LRP2: variants seen among roughly 807,000 people sequenced by gnomAD.
The protein encoded by LRP2 is LDL receptor related protein 2.
Under a neutral mutation model 531.0 loss-of-function variants are expected in LRP2, and 172 were observed. The observed-to-expected ratio is 0.32, with a 90% CI of 0.29 to 0.37. The LOEUF (loss-of-function observed/expected upper bound fraction) is 0.37. Among genes scored for constraint, LRP2 ranks in the 10% least tolerant of loss-of-function variants. LRP2 has a pLI of 1.00. For missense variants in LRP2, 5,167 were observed against 5,868.3 expected (o/e 0.88, Z 3.90); for synonymous variants, 1,992 against 2,027.6 (o/e 0.98, Z 0.47).
Position 169,169,689 on chromosome 2 carries a change from T to C in LRP2, c.11497+13A>G. On this transcript the variant is annotated intron_variant, in intron 60 of 78. Transcript: ENST00000649046. ...TCAGGTAAGCAGTACTACATATGTGTCTAGGGACTTACGACAATCAGCTTC... is the reference window on the plus strand; with the variant it reads ...TCAGGTAAGCAGTACTACATATGTGCCTAGGGACTTACGACAATCAGCTTC... 1 of 1,606,486 alleles carries C rather than the reference T, an allele frequency of 6.2e-7. No individual in the cohort carries two copies. The highest frequency in any genetic ancestry group is 8.5e-7 in the Non-Finnish European group (1 of 1,173,058).
rs1351763103 is a variant in LRP2 at position 169,289,111 on chromosome 2, G to A, written c.957C>T (p.Tyr319=). 4 of 1,614,096 alleles carry A rather than the reference G, an allele frequency of 2.5e-6. 1 individual carries two copies. The highest frequency in any genetic ancestry group is 2.2e-5 in the East Asian group (1 of 44,878). ...CTCCATACGGCGTCTCATGGCACTGGTACTGGCAGTTCAAGGCAGAGCACA... is the reference window on the plus strand; with the variant it reads ...CTCCATACGGCGTCTCATGGCACTGATACTGGCAGTTCAAGGCAGAGCACA... ...MTLCSALNCQ[Y]QCHETPYGGA... Residue 319 remains tyrosine (Y), a synonymous_variant, in exon 9 of 79, where the codon TAC becomes TAT. Coordinates refer to ENST00000649046, the MANE Select transcript of LRP2 (RefSeq NM_004525.3).
At chr2:169,155,161 T>C (rs1193366918) in intron 65 of LRP2, among the ~76,000 whole-genome samples, 1 of 152,202 alleles carries the variant, frequency 6.6e-6, no homozygotes, top group Admixed American at 6.6e-5. Context: ...AGCTACTTAA[T>C]GGTGACTCAT....
At chr2:169,261,405 A>T (rs950015415) in intron 16 of LRP2, among the ~76,000 whole-genome samples, 3 of 151,926 alleles carry the variant, frequency 2.0e-5, no homozygotes, top group African/African-American at 7.2e-5. Flanking sequence ...AGCCCACTGC[A>T]GCCTCAAACA....
rs1179718990 is a variant in LRP2, at chr2:169,235,991, G to A, written c.4769C>T (p.Thr1590Ile). 3.7e-6 allele frequency: 6 copies of A among 1,614,126 alleles called. No homozygotes were observed. Among genetic ancestry groups the A allele is most frequent in the Non-Finnish European group, 5.1e-6 (6 of 1,180,054 alleles). Reference sequence around the variant, plus strand: ...GAAGATCTTGTCCTGGACAATGACAGTGCGCATGCTGCCGTCCATGCTGGC... The same window carrying A: ...GAAGATCTTGTCCTGGACAATGACAATGCGCATGCTGCCGTCCATGCTGGC... ...ERASMDGSMR[T>I]VIVQDKIFWP... The change falls in exon 29 of 79, where the codon ACT becomes ATT. Residue 1590 changes from threonine to isoleucine, a missense_variant. Physicochemically the swap from Thr to Ile is moderately conservative, Grantham distance 89. Coordinates refer to ENST00000649046, the MANE Select transcript of LRP2 (RefSeq NM_004525.3).
At chr2:169,175,146 A>G (rs372715576) in intron 55 of LRP2, 47 bp downstream of exon 55, 1 of 1,558,880 alleles carries the variant, frequency 6.4e-7, no homozygotes, top group Non-Finnish European at 8.8e-7. Flanking sequence ...GATCGTATAC[A>G]ATCAACATAG....
At chr2:169,336,784 G>C (rs529537632) in intron 1 of LRP2, among the ~76,000 whole-genome samples, 100 of 152,220 alleles carry the variant, frequency 6.6e-4, no homozygotes, top group South Asian at 2.1e-3. Context: ...AAGCCCTCTT[G>C]TCCACAACCG....
In LRP2 at chr2:169,128,854, T is replaced by A. The variant is rs201038625; in HGVS notation, c.13801-24A>T. ...ATCTAAGAATACAATGTAACAGGAA[T>A]CAGCCATTTATTCCCCCAAGGTCAC... On this transcript the variant is annotated intron_variant, in intron 78 of 78. Transcript: ENST00000649046. The A allele has an allele frequency of 2.0e-4, 327 of 1,613,742 alleles. No individual in the cohort carries two copies. The African/African-American group carries it at 3.9e-3, about 19-fold the overall frequency.
At chr2:169,162,436 T>C (rs1028724882) in intron 63 of LRP2, 36 bp downstream of exon 63, 2 of 1,612,224 alleles carry the variant, frequency 1.2e-6, no homozygotes, top group African/African-American at 2.7e-5. Context: ...AAACCTGAGT[T>C]ACTACAATGA....
At chr2:169,280,285 A>G in intron 11 of LRP2, 65 bp downstream of exon 11, 7 of 1,583,336 alleles carry the variant, frequency 4.4e-6, no homozygotes, top group Non-Finnish European at 6.1e-6. Context: ...TACTCCCTCT[A>G]AAAGTGAAAA....
In LRP2 at chr2:169,279,574, C is replaced by T. The variant is rs1181566523; in HGVS notation, c.1363G>A (p.Gly455Ser). Reference protein sequence around the residue: ...QNKVFSVDINGLNIQEVLNVS... With the variant: ...QNKVFSVDINSLNIQEVLNVS... ...TTGAGAACCTCTTGGATATTTAAAC[C>T]ATTAATGTCAACTGAAAAAACCTGA... Residue 455 changes from glycine (G) to serine (S), a missense_variant, in exon 12 of 79, where the codon GGT (glycine) becomes AGT (serine). Around this residue, in one of 6 missense-constraint regions of LRP2, gnomAD observed 2,811 missense variants for 3,058.0 expected, o/e 0.92. Transcript: ENST00000649046. The T allele has an allele frequency of 6.2e-7, 1 of 1,612,526 alleles. No individual in the cohort carries two copies. The highest frequency in any genetic ancestry group is 1.1e-5 in the South Asian group (1 of 90,976).
At chr2:169,281,347 G>A (rs140071675) in intron 10 of LRP2, among the ~76,000 whole-genome samples, 74 of 152,294 alleles carry the variant, frequency 4.9e-4, no homozygotes, top group African/African-American at 1.7e-3. Flanking sequence ...GCTTGAACCC[G>A]AGAGGCGGAG....
rs754997883 is a variant in LRP2 at position 169,152,933 on chromosome 2, G to C, written c.12327C>G (p.Gly4109=). ...CACGTTTGATAGCACCAAACCTAGA[G>C]CCCTCCCCTCGCACAGTGTAATACA... ...SVVYYTVRGE[G]SRFGAIKRAY... The change falls in exon 67 of 79, where the codon GGC becomes GGG. Residue 4109 remains glycine, a synonymous_variant. Coordinates refer to ENST00000649046, the MANE Select transcript of LRP2 (RefSeq NM_004525.3). 4.3e-6 allele frequency: 7 copies of C among 1,613,854 alleles called. No individual in the cohort carries two copies. The highest frequency in any genetic ancestry group is 4.2e-6 in the Non-Finnish European group (5 of 1,179,936).
chr2:169,204,786 T>C (rs962925117), intron 41 of LRP2, among the ~76,000 whole-genome samples: 4 of 152,038 alleles, frequency 2.6e-5, no homozygotes, highest in African/African-American at 9.7e-5. Context: ...TCCAAAGAAA[T>C]ATGCAAGAAA....
rs143893803 is a variant in LRP2 at position 169,206,829 on chromosome 2, C to A, written c.6891G>T (p.Leu2297Phe). 12 of 1,614,136 alleles carry A rather than the reference C, an allele frequency of 7.4e-6. No homozygotes were observed. The highest frequency in any genetic ancestry group is 1.0e-5 in the Non-Finnish European group (12 of 1,180,012). Residue 2297 changes from leucine (L) to phenylalanine (F), a missense_variant, in exon 39 of 79, where the codon TTG becomes TTT. By Grantham distance (22) the Leu-to-Phe change is conservative. This residue lies in a region of LRP2 where 2,811 missense variants were observed against 3,058.0 expected (regional missense o/e 0.92). Coordinates refer to ENST00000649046, the MANE Select transcript of LRP2 (RefSeq NM_004525.3). ...CCTTGCTGGCTTGGAAGATCTTTTTCAAATTCCTATCTACCCATATGATAG... is the reference window on the plus strand; with the variant it reads ...CCTTGCTGGCTTGGAAGATCTTTTTAAAATTCCTATCTACCCATATGATAG... ...ENSIIWVDRN[L>F]KKIFQASKEP... is the part of the protein sequence containing the mutation.
Position 169,152,835 on chromosome 2 carries a change from A to G in LRP2, c.12425T>C (p.Met4142Thr). Residue 4142 changes from methionine (M) to threonine (T), a missense_variant, in exon 67 of 79, where the codon ATG (methionine) becomes ACG (threonine). By Grantham distance (81) the Met-to-Thr change is moderately conservative. This residue lies in a region of LRP2 where 564 missense variants were observed against 747.7 expected (regional missense o/e 0.75). Coordinates refer to ENST00000649046, the MANE Select transcript of LRP2 (RefSeq NM_004525.3). ...GTCCACTGCTATTCCATCTGGCTGC[A>G]TTACGTATTTCAGTTTCAGGTCAAC... ...QEVDLKLKYV[M>T]QPDGIAVDWV... 6.2e-7 allele frequency: 1 copy of G among 1,614,062 alleles called. No homozygotes were observed. The highest frequency in any genetic ancestry group is 8.5e-7 in the Non-Finnish European group (1 of 1,179,942).
intron 16 of LRP2, among the ~76,000 whole-genome samples, chr2:169,263,933 C>G (rs1690681049): frequency 6.6e-6 from 1 of 152,098 alleles, no homozygotes; most frequent in African/African-American, 2.4e-5. Context: ...ATGATGAGTT[C>G]ATGTCCTTTG....
At chr2:169,245,001 T>C in intron 21 of LRP2, 69 bp from the exon 22 acceptor site, 1 of 1,577,706 alleles carries the variant, frequency 6.3e-7, no homozygotes, top group Non-Finnish European at 8.7e-7. Context: ...TCTTGCCTTA[T>C]AAAGGCTCAG....
intron 1 of LRP2, among the ~76,000 whole-genome samples, chr2:169,354,043 C>A (rs79869162): frequency 1.3e-5 from 2 of 152,100 alleles, no homozygotes; most frequent in Non-Finnish European, 2.9e-5. Context: ...TTTTTTCAAC[C>A]TTTACTCAGG....
chr2:169,266,831 ATTTCT>A (rs1045811432), intron 16 of LRP2, among the ~76,000 whole-genome samples: 1 of 149,482 alleles, frequency 6.7e-6, no homozygotes, highest in African/African-American at 2.5e-5. Context: ...TACACGTGAC[ATTTCT>A]TTTATGTTAA....
Sources: allele counts gnomAD v4.1 joint callset (sites outside exome capture counted in the v4.1 genomes callset), GRCh38; gene constraint gnomAD v4.1.1; regional missense constraint gnomAD v4.1.1; transcripts MANE v1.5; gene names NCBI Gene and HGNC (gene_info 2026-07-23, HGNC 2026-07-21).